The following PCDHGA3 variants were observed in gnomAD, a reference collection of about 807,000 sequenced individuals.
PCDHGA3 encodes the protein protocadherin gamma-A3.
A neutral mutation model predicts 58.5 loss-of-function variants in PCDHGA3; 40 were observed. The observed-to-expected ratio is 0.68, with a 90% CI of 0.53 to 0.89. The LOEUF (loss-of-function observed/expected upper bound fraction) is 0.89, where lower values mean the gene tolerates loss of function less well. Among genes scored for constraint, PCDHGA3 ranks in the 40% least tolerant of loss-of-function variants. PCDHGA3 has a pLI of 0.00. For synonymous variants in PCDHGA3, 530 were observed against 525.7 expected, an observed-to-expected ratio of 1.01 and a Z score of -0.11; for missense variants, 1,223 against 1,195.9, an observed-to-expected ratio of 1.02 and a Z score of -0.33.
chr5:141,398,692 AG>A, intron 1 of PCDHGA3: 1 of 1,613,942 alleles, frequency 6.2e-7, no homozygotes, highest in Non-Finnish European at 8.5e-7. Context: ...ACAGGATGGT[AG>A]TAAATACCCG....
chr5:141,384,360 C>T (rs1321195409), intron 1 of PCDHGA3: 2 of 1,613,902 alleles, frequency 1.2e-6, no homozygotes, highest in Non-Finnish European at 1.7e-6. Flanking sequence ...ATGCCCAGAT[C>T]ACTTATTCCT....
At chr5:141,415,479 A>G (rs750765604) in intron 1 of PCDHGA3, 19 of 1,613,988 alleles carry the variant, frequency 1.2e-5, no homozygotes, top group South Asian at 2.2e-5. Flanking sequence ...CGGACTCGCG[A>G]AAGAGTCACC....
At position 141,476,980 on chromosome 5, in the gene PCDHGA3, C is replaced by T; in HGVS notation, c.2425-17827C>T. 6.2e-7 allele frequency: 1 copy of T among 1,614,232 alleles called. No individual in the cohort carries two copies. Among genetic ancestry groups the T allele is most frequent in the Non-Finnish European group, 8.5e-7 (1 of 1,180,044 alleles). On this transcript the variant is annotated intron_variant, in intron 1 of 3. Coordinates refer to ENST00000253812, the MANE Select transcript of PCDHGA3 (RefSeq NM_018916.4). This position sits in a 1 kb window ranked among gnomAD's most constrained non-coding sequence, Gnocchi z 7.6. Reference sequence around the variant, plus strand: ...TTTACTCCTTCGGCAGCCACAACCGCGCCGGCGTGCGGCAACTATTCGCCT... The same window carrying T: ...TTTACTCCTTCGGCAGCCACAACCGTGCCGGCGTGCGGCAACTATTCGCCT...
Position 141,349,219 on chromosome 5 carries a change from G to A in PCDHGA3, c.2424+2762G>A, listed in dbSNP as rs192397680. Among the ~76,000 whole-genome samples, 605 of 141,486 alleles carry A rather than the reference G, an allele frequency of 4.3e-3. 3 individuals are homozygous for A. The highest frequency in any genetic ancestry group is 0.015 in the Admixed American group (211 of 14,046). The allele number at this position is 141,486 out of a possible 152,430, so 92.8% of individuals were successfully genotyped here. On this transcript the variant is annotated intron_variant, in intron 1 of 3. Coordinates refer to ENST00000253812, the MANE Select transcript of PCDHGA3 (RefSeq NM_018916.4). ...CGAGTAGCTGGCGTTACAGGTACCC[G>A]CCACCATGCCTGGATAATTTTTATT...
At chr5:141,404,855 A>G (rs370062374) in intron 1 of PCDHGA3, 13 of 1,613,704 alleles carry the variant, frequency 8.1e-6, no homozygotes, top group African/African-American at 2.7e-5. Flanking sequence ...CCTGCTAGAT[A>G]GAGATGCGCT....
At chr5:141,405,206 A>G in intron 1 of PCDHGA3, 1 of 1,613,648 alleles carries the variant, frequency 6.2e-7, no homozygotes, top group Non-Finnish European at 8.5e-7. Flanking sequence ...TTTCCTACAG[A>G]CCTATTCTCA....
At chr5:141,507,106 A>T (rs1205648425) in intron 3 of PCDHGA3, 1 of 152,118 alleles carries the variant, frequency 6.6e-6, no homozygotes, top group African/African-American at 2.4e-5. Context: ...TACTATAGGG[A>T]CCATGGCTGC....
At chr5:141,381,977 G>T (rs61025717) in intron 1 of PCDHGA3, among the ~76,000 whole-genome samples, 22 of 151,370 alleles carry the variant, frequency 1.5e-4, no homozygotes, top group African/African-American at 5.3e-4. Context: ...TTACAGGCGC[G>T]CGCCACCACG....
chr5:141,384,035 A>G (rs774600484), intron 1 of PCDHGA3: 2 of 1,613,378 alleles, frequency 1.2e-6, no homozygotes, highest in Non-Finnish European at 1.7e-6. Context: ...TCTGGAAAGA[A>G]TGGTGAGGTG....
intron 1 of PCDHGA3, chr5:141,387,783 C>A: frequency 6.8e-7 from 1 of 1,467,932 alleles, no homozygotes; most frequent in Non-Finnish European, 9.1e-7. Context: ...TGAACTGGAA[C>A]TGCAACTAAA....
intron 1 of PCDHGA3, chr5:141,428,269 C>T (rs1326212294): frequency 1.3e-6 from 1 of 777,738 alleles, no homozygotes; most frequent in Non-Finnish European, 2.2e-6. Flanking sequence ...CAGTCCTGTG[C>T]CCTCTGATTC....
chr5:141,499,253 T>C (rs1189676230), intron 2 of PCDHGA3, among the ~76,000 whole-genome samples: 1 of 152,030 alleles, frequency 6.6e-6, no homozygotes, highest in Non-Finnish European at 1.5e-5. Context: ...ACAAAGAGTC[T>C]CCATTTGGTC....
rs200777796 is a variant in PCDHGA3, at chr5:141,352,653, C to A, written c.2424+6196C>A. ...GAAGATCACAAAATCGCTTATGACCCTTCTTTGTCTTCGCACGTGAGTTTC... is the reference window on the plus strand; with the variant it reads ...GAAGATCACAAAATCGCTTATGACCATTCTTTGTCTTCGCACGTGAGTTTC... On this transcript the variant is annotated intron_variant, in intron 1 of 3. Transcript: ENST00000253812. The A allele has an allele frequency of 6.6e-4, 1,052 of 1,597,498 alleles. No homozygotes were observed. The highest frequency in any genetic ancestry group is 8.1e-4 in the Non-Finnish European group (954 of 1,171,256).
intron 1 of PCDHGA3, chr5:141,361,331 A>G (rs752611157): frequency 6.2e-7 from 1 of 1,613,970 alleles, no homozygotes; most frequent in South Asian, 1.1e-5. Flanking sequence ...TCTTCCTCAA[A>G]GAACTATTAC....
At chr5:141,370,656 G>A (rs768093721) in intron 1 of PCDHGA3, 1 of 1,613,852 alleles carries the variant, frequency 6.2e-7, no homozygotes, top group Non-Finnish European at 8.5e-7. Context: ...ACTTGTGAGC[G>A]ACCGTATAGA....
At chr5:141,350,926 C>A (rs1022389451) in intron 1 of PCDHGA3, 6 of 1,614,094 alleles carry the variant, frequency 3.7e-6, no homozygotes, top group Non-Finnish European at 5.1e-6. Flanking sequence ...TAAGCGGCAC[C>A]ACCCATATCT....
At chr5:141,403,105 C>T in intron 1 of PCDHGA3, 1 of 1,614,056 alleles carries the variant, frequency 6.2e-7, no homozygotes. Flanking sequence ...TCTCCAAGGA[C>T]CTGGCTCTGG....
intron 1 of PCDHGA3, among the ~76,000 whole-genome samples, chr5:141,450,616 A>G (rs2098687684): frequency 6.6e-6 from 1 of 151,486 alleles, no homozygotes; most frequent in African/African-American, 2.4e-5. Flanking sequence ...CCTCCTGAGT[A>G]GCTGGGATTA....
chr5:141,432,035 G>C lies in PCDHGA3; in HGVS notation c.2425-62772G>C. 6 of 1,614,218 alleles carry C rather than the reference G, an allele frequency of 3.7e-6. No homozygotes were observed. Among genetic ancestry groups the C allele is most frequent in the Non-Finnish European group, 5.1e-6 (6 of 1,180,046 alleles). ...CTACAACATCACAGTGACCGCCACT[G>C]ACCGGGGAACCCCGCCCCTATCCAC... On this transcript the variant is annotated intron_variant, in intron 1 of 3. Coordinates refer to ENST00000253812, the MANE Select transcript of PCDHGA3 (RefSeq NM_018916.4). The surrounding 1 kb of genome is among the most constrained non-coding windows in gnomAD (Gnocchi z 6.0).
Sources: gnomAD v4.1 joint callset for allele counts (sites outside exome capture counted in the v4.1 genomes callset) on GRCh38, gnomAD v4.1.1 for gene constraint, Gnocchi (gnomAD v3.1) non-coding constraint, MANE v1.5 for transcripts, NCBI Gene and HGNC (gene_info 2026-07-23, HGNC 2026-07-21) for gene names.